Variants in BRWD3 observed in about 807,000 individuals in gnomAD.
BRWD3 encodes the protein bromodomain and WD repeat-containing protein 3.
In BRWD3, 10 loss-of-function variants were observed where a neutral mutation model predicts 149.7. That is an observed-to-expected ratio of 0.07 (90% CI 0.04 to 0.11). The LOEUF is 0.11. Ranked by LOEUF, BRWD3 falls within the 10% of genes least tolerant of loss-of-function variation. BRWD3 has a pLI of 1.00. For missense variants in BRWD3, 940 were observed against 1,373.2 expected, an observed-to-expected ratio of 0.68 and a Z score of 4.99; for synonymous variants, 504 against 456.7, an observed-to-expected ratio of 1.10 and a Z score of -1.32.
chrX:80,692,296 G>A, intron 28 of BRWD3, 146 bp from the exon 29 acceptor site: 1 of 510,554 alleles, frequency 2.0e-6, no homozygotes, highest in Non-Finnish European at 3.3e-6. Context: ...GTTACATACA[G>A]ATAACAATAA....
Position 80,735,843 on chromosome X carries a change from A to G in BRWD3, c.914+145T>C, listed in dbSNP as rs2073396576. Reference sequence around the variant, plus strand: ...AAAATTATCCTAAAATCTCTTAACAACCTATTGAAGTAGGTATGGATATGT... The same window carrying G: ...AAAATTATCCTAAAATCTCTTAACAGCCTATTGAAGTAGGTATGGATATGT... On this transcript the variant is annotated intron_variant, in intron 9 of 40. Coordinates refer to ENST00000373275, the MANE Select transcript of BRWD3 (RefSeq NM_153252.5). The G allele has an allele frequency of 2.2e-5, 8 of 371,792 alleles. No individual in the cohort carries two copies. The East Asian group carries it at 3.8e-4, about 18-fold the overall frequency. The allele number at this position is 371,792 out of a possible 1,213,427, so 30.6% of individuals were successfully genotyped here. A position where few individuals can be genotyped will look rare whatever the true frequency, so the allele number is the denominator to read the frequency against.
Position 80,675,038 on chromosome X carries a change from A to G in BRWD3, c.*1571T>C, listed in dbSNP as rs970476759. On this transcript the variant is annotated 3_prime_UTR_variant, in exon 41 of 41. Coordinates refer to ENST00000373275, the MANE Select transcript of BRWD3 (RefSeq NM_153252.5). ...AGTGCAACAAATTTGCTGTTACAGA[A>G]ACAGAAATTGCTATTATCCCTCTTA... 9.0e-6 allele frequency: 1 copy of G among 111,435 alleles called. No individual in the cohort carries two copies. The highest frequency in any genetic ancestry group is 3.3e-5 in the African/African-American group (1 of 30,707). The allele number at this position is 111,435 out of a possible 1,213,427, so 9.2% of individuals were successfully genotyped here.
chrX:80,775,327 C>G lies in BRWD3; in HGVS notation c.430+16527G>C, dbSNP rs187008788. On this transcript the variant is annotated intron_variant, in intron 6 of 40. Coordinates refer to ENST00000373275, the MANE Select transcript of BRWD3 (RefSeq NM_153252.5). ...CTCAACTCCCATCACAAACTCTAAG[C>G]CTTTGTTATGTCAAACAGGGTATTC... Among the ~76,000 whole-genome samples the G allele has an allele frequency of 2.7e-5, 3 of 111,919 alleles. No individual in the cohort carries two copies. The East Asian group carries it at 8.4e-4, about 32-fold the overall frequency.
In BRWD3 at chrX:80,744,068, G is replaced by T; in HGVS notation, c.777C>A (p.Val259=). ...WCLRTCAPVA[V]LQGHSASITS... is the part of the protein sequence containing the mutation. ...TAATAGAAGCTGAATGGCCCTGAAGGACTGCAACGGGTGCACAAGTTCGAA... is the reference window on the plus strand; with the variant it reads ...TAATAGAAGCTGAATGGCCCTGAAGTACTGCAACGGGTGCACAAGTTCGAA... The change falls in exon 8 of 41, where the codon GTC becomes GTA. Residue 259 remains valine, a synonymous_variant. Transcript: ENST00000373275. 8.3e-7 allele frequency: 1 copy of T among 1,209,079 alleles called. No homozygotes were observed. Among genetic ancestry groups the T allele is most frequent in the Admixed American group, 2.2e-5 (1 of 45,616 alleles).
chrX:80,681,090 G>A (rs1244390219), intron 40 of BRWD3, among the ~76,000 whole-genome samples: 1 of 106,076 alleles, frequency 9.4e-6, no homozygotes, highest in Non-Finnish European at 1.9e-5. Flanking sequence ...GATTACAGGT[G>A]TGAGCCACCA....
rs746126472 is a variant in BRWD3 at position 80,763,617 on chromosome X, AAAC to A, written c.431-17891_431-17889del. Among the ~76,000 whole-genome samples, 18 of 112,469 alleles carry A rather than the reference AAAC, an allele frequency of 1.6e-4. No individual in the cohort carries two copies. In the South Asian group the frequency reaches 6.5e-3, roughly 41 times the overall value. Reference sequence around the variant, plus strand: ...ATGAACATTTAGAAACCAAAATTAAAAACAAAATCTATTTACGATCACGCCAAA... The same window carrying A: ...ATGAACATTTAGAAACCAAAATTAAAAAAATCTATTTACGATCACGCCAAA... On this transcript the variant is annotated intron_variant, in intron 6 of 40. Transcript: ENST00000373275.
chrX:80,749,076 C>T (rs2073631063), intron 6 of BRWD3, among the ~76,000 whole-genome samples: 1 of 112,071 alleles, frequency 8.9e-6, no homozygotes, highest in African/African-American at 3.2e-5. Flanking sequence ...AATATTATTT[C>T]AATCTTCTTA....
chrX:80,751,338 A>G (rs1490449696), intron 6 of BRWD3, among the ~76,000 whole-genome samples: 1 of 112,250 alleles, frequency 8.9e-6, no homozygotes, highest in African/African-American at 3.2e-5. Context: ...TACATAGATC[A>G]AAACATGACA....
intron 5 of BRWD3, among the ~76,000 whole-genome samples, chrX:80,793,160 CAAAA>C (rs201065966): frequency 2.2e-5 from 1 of 44,464 alleles, no homozygotes; most frequent in Non-Finnish European, 4.1e-5. Context: ...GACTCTGTCT[CAAAA>C]AAAAAAAAAA....
At chrX:80,808,900 A>C in intron 3 of BRWD3, 113 bp downstream of exon 3, 3 of 835,657 alleles carry the variant, frequency 3.6e-6, no homozygotes, top group Non-Finnish European at 5.2e-6. Context: ...GACAACAGCT[A>C]CGGGTACCCA....
chrX:80,798,019 C>T (rs947701478), intron 4 of BRWD3, among the ~76,000 whole-genome samples: 2 of 110,429 alleles, frequency 1.8e-5, no homozygotes, highest in Admixed American at 9.8e-5. Flanking sequence ...CACTTGAACC[C>T]GGGAGGCAGA....
At chrX:80,742,084 T>C (rs1343806008) in intron 8 of BRWD3, among the ~76,000 whole-genome samples, 2 of 111,537 alleles carry the variant, frequency 1.8e-5, no homozygotes, top group Non-Finnish European at 1.9e-5. Context: ...AATTAATTTT[T>C]GTATAAGGTA....
intron 25 of BRWD3, among the ~76,000 whole-genome samples, chrX:80,698,693 A>G (rs923442336): frequency 2.2e-5 from 2 of 91,096 alleles, no homozygotes; most frequent in African/African-American, 3.7e-5. Context: ...TGGGTGACAG[A>G]GCGAGACTCT....
At chrX:80,712,917 C>T (rs752493456) in intron 20 of BRWD3, among the ~76,000 whole-genome samples, 44 of 95,421 alleles carry the variant, frequency 4.6e-4, no homozygotes, top group Non-Finnish European at 7.4e-4. Flanking sequence ...GCCCGGCAGC[C>T]GCCCCGTCTG....
intron 14 of BRWD3, among the ~76,000 whole-genome samples, chrX:80,727,022 T>TC (rs1324627760): frequency 9.1e-6 from 1 of 110,393 alleles, no homozygotes; most frequent in Non-Finnish European, 1.9e-5. Flanking sequence ...CTGGGGATTT[T>TC]CATTTTTTTT....
At position 80,707,600 on chromosome X, in the gene BRWD3, T is replaced by A. The variant is rs772373825; in HGVS notation, c.2476-97A>T. 412 of 808,453 alleles carry A rather than the reference T, an allele frequency of 5.1e-4. 1 individual carries two copies. The Middle Eastern group carries it at 5.4e-3, about 11-fold the overall frequency. The allele number at this position is 808,453 out of a possible 1,213,427, so 66.6% of individuals were successfully genotyped here. On this transcript the variant is annotated intron_variant, in intron 21 of 40. Coordinates refer to ENST00000373275, the MANE Select transcript of BRWD3 (RefSeq NM_153252.5). ...ACCTGTTTTATAGCATTTTTTTGAA[T>A]TCTGCCCTCAAAAAATGTTCTTCTT...
intron 24 of BRWD3, among the ~76,000 whole-genome samples, chrX:80,701,880 G>C (rs2072795693): frequency 9.0e-6 from 1 of 110,604 alleles, no homozygotes; most frequent in Non-Finnish European, 1.9e-5. Flanking sequence ...ATTTCCTCTA[G>C]GATATGGAAA....
At chrX:80,709,636 A>G in intron 20 of BRWD3, 59 bp from the exon 21 acceptor site, 1 of 1,092,059 alleles carries the variant, frequency 9.2e-7, no homozygotes, top group Non-Finnish European at 1.2e-6. Flanking sequence ...ACACACAAGG[A>G]ACATATATAA....
intron 4 of BRWD3, among the ~76,000 whole-genome samples, chrX:80,799,456 C>T (rs2074270954): frequency 8.9e-6 from 1 of 111,973 alleles, no homozygotes; most frequent in African/African-American, 3.2e-5. Context: ...ACCATGGCTA[C>T]AGAAGTTAAA....
Sources: gnomAD v4.1 joint callset for allele counts (sites outside exome capture counted in the v4.1 genomes callset) on GRCh38, gnomAD v4.1.1 for gene constraint, MANE v1.5 for transcripts, NCBI Gene and HGNC (gene_info 2026-07-23, HGNC 2026-07-21) for gene names.